COL5A2: variants seen among roughly 807,000 people sequenced by gnomAD.
The protein encoded by COL5A2 is collagen alpha-2(V) chain.
Under a neutral mutation model 208.2 loss-of-function variants are expected in COL5A2, and 23 were observed. That is an observed-to-expected ratio of 0.11 (90% CI 0.08 to 0.16). COL5A2 has a LOEUF of 0.16. COL5A2 is among the 10% of genes least tolerant of loss of function. COL5A2 has a pLI of 1.00. For synonymous variants in COL5A2, 625 were observed against 628.5 expected (o/e 0.99, Z 0.08); for missense variants, 1,590 against 1,956.4 (o/e 0.81, Z 3.53).
At chr2:189,161,765 T>G (rs749908209) in intron 1 of COL5A2, among the ~76,000 whole-genome samples, 1 of 152,172 alleles carries the variant, frequency 6.6e-6, no homozygotes, top group African/African-American at 2.4e-5. Context: ...AAGGAGCATA[T>G]GATATAACTA....
chr2:189,440,036 G>C, the COL5A2 span, among the ~76,000 whole-genome samples: 1 of 152,206 alleles, frequency 6.6e-6, no homozygotes, highest in East Asian at 1.9e-4. Flanking sequence ...AGTCATGAAA[G>C]AGAAAGCTGG....
the COL5A2 span, among the ~76,000 whole-genome samples, chr2:189,245,568 TC>T: frequency 6.7e-6 from 1 of 149,630 alleles, no homozygotes; most frequent in Non-Finnish European, 1.5e-5. Context: ...CACTGCAAGC[TC>T]CGCCTCCCGG....
intron 23 of COL5A2, 134 bp downstream of exon 23, chr2:189,066,256 C>A: frequency 1.2e-6 from 1 of 862,150 alleles, no homozygotes; most frequent in Non-Finnish European, 2.0e-6. Context: ...TTTCTATTTG[C>A]ACATAACTGT....
intron 1 of COL5A2, among the ~76,000 whole-genome samples, chr2:189,170,746 G>A (rs374099119): frequency 1.3e-5 from 2 of 151,592 alleles, no homozygotes; most frequent in South Asian, 4.2e-4. Context: ...GCACTCTTAG[G>A]TAAAAAAAAA....
the COL5A2 span, among the ~76,000 whole-genome samples, chr2:189,293,399 C>T: frequency 2.0e-5 from 3 of 152,132 alleles, no homozygotes; most frequent in African/African-American, 7.2e-5. Flanking sequence ...ACTTTTCCCT[C>T]AGCTAGGATA....
intron 1 of COL5A2, among the ~76,000 whole-genome samples, chr2:189,126,551 A>G (rs1687610820): frequency 6.6e-6 from 1 of 152,120 alleles, no homozygotes; most frequent in Admixed American, 6.6e-5. Flanking sequence ...AGAGGAAATC[A>G]GCTCTTTGGC....
At chr2:189,253,125 TGA>T in the COL5A2 span, among the ~76,000 whole-genome samples, 193 of 152,302 alleles carry the variant, frequency 1.3e-3, 3 homozygotes, top group Non-Finnish European at 1.5e-5. Context: ...GCCATAATGA[TGA>T]GAGATGGTGA....
chr2:189,201,399 G>A (rs182088959), intron 1 of COL5A2, among the ~76,000 whole-genome samples: 72 of 151,978 alleles, frequency 4.7e-4, no homozygotes, highest in Non-Finnish European at 9.1e-4. Flanking sequence ...GAAGATACAA[G>A]TTAAGAAAAT....
At chr2:189,167,405 C>T (rs1377044797) in intron 1 of COL5A2, among the ~76,000 whole-genome samples, 1 of 152,140 alleles carries the variant, frequency 6.6e-6, no homozygotes, top group East Asian at 1.9e-4. Flanking sequence ...TCATCCTTTA[C>T]ATAACAGAAT....
chr2:189,307,044 C>T, the COL5A2 span, among the ~76,000 whole-genome samples: 1 of 152,094 alleles, frequency 6.6e-6, no homozygotes, highest in African/African-American at 2.4e-5. Context: ...AAAGAAAATA[C>T]AAATTACTGG....
chr2:189,249,019 A>T, the COL5A2 span, among the ~76,000 whole-genome samples: 140,901 of 152,232 alleles, frequency 0.93, 65,492 homozygotes, highest in East Asian at 1. Flanking sequence ...ACAATTTTTT[A>T]AAATTATTTG....
the COL5A2 span, among the ~76,000 whole-genome samples, chr2:189,286,895 T>A: frequency 1.3e-5 from 2 of 152,166 alleles, no homozygotes; most frequent in South Asian, 2.1e-4. Flanking sequence ...AAGAAATTTT[T>A]ACCTATTATT....
chr2:189,184,029 G>T (rs1213322946), upstream of COL5A2, among the ~76,000 whole-genome samples: 1 of 152,158 alleles, frequency 6.6e-6, no homozygotes, highest in Non-Finnish European at 1.5e-5. Context: ...ATACATAGCT[G>T]TGAACAACAC....
chr2:189,216,033 T>C (rs867037757), intron 1 of COL5A2, among the ~76,000 whole-genome samples: 12 of 152,210 alleles, frequency 7.9e-5, no homozygotes, highest in African/African-American at 2.4e-4. Flanking sequence ...AAACTAAACA[T>C]GCTATTGGGC....
intron 1 of COL5A2, among the ~76,000 whole-genome samples, chr2:189,208,314 TAAG>T (rs1322530046): frequency 1.3e-5 from 2 of 152,200 alleles, no homozygotes; most frequent in Admixed American, 1.3e-4. Context: ...CATTACATAA[TAAG>T]GAGTCCATAC....
chr2:189,154,076 A>T (rs1482539910), intron 1 of COL5A2, among the ~76,000 whole-genome samples: 1 of 152,180 alleles, frequency 6.6e-6, no homozygotes. Flanking sequence ...TTGAAGTAAT[A>T]CATTTTTTAA....
chr2:189,298,887 A>G, the COL5A2 span, among the ~76,000 whole-genome samples: 1 of 152,238 alleles, frequency 6.6e-6, no homozygotes, highest in East Asian at 1.9e-4. Flanking sequence ...ATAATACAGA[A>G]GGGTTAGTTC....
At chr2:189,179,057 G>A (rs1688735245) in intron 1 of COL5A2, among the ~76,000 whole-genome samples, 2 of 152,098 alleles carry the variant, frequency 1.3e-5, no homozygotes, top group Admixed American at 1.3e-4. Flanking sequence ...TTGCTGCAGA[G>A]GTTTTACTAA....
intron 1 of COL5A2, among the ~76,000 whole-genome samples, chr2:189,127,463 G>A (rs1363614948): frequency 3.3e-5 from 5 of 152,006 alleles, no homozygotes; most frequent in East Asian, 1.9e-4. Flanking sequence ...GAGGCAAAAC[G>A]ATGCAGGAGG....
Sources: allele counts gnomAD v4.1 joint callset (sites outside exome capture counted in the v4.1 genomes callset), GRCh38; gene constraint gnomAD v4.1.1; transcripts MANE v1.5; gene names NCBI Gene and HGNC (gene_info 2026-07-23, HGNC 2026-07-21).